Variants in EPSTI1 observed in about 807,000 individuals in gnomAD.
The protein encoded by EPSTI1 is epithelial-stromal interaction protein 1.
Under a neutral mutation model 49.9 loss-of-function variants are expected in EPSTI1, and 66 were observed. The observed-to-expected ratio is 1.32, with a 90% CI of 1.08 to 1.62. EPSTI1 has a LOEUF of 1.62. EPSTI1 is among the 40% of genes most tolerant of loss of function. The pLI, the probability that EPSTI1 is intolerant of heterozygous loss-of-function variation, is 0.00. For missense variants in EPSTI1, 394 were observed against 365.5 expected (o/e 1.08, Z -0.64); for synonymous variants, 137 against 130.7 (o/e 1.05, Z -0.33).
At chr13:42,986,147 T>G (rs2040074000) in intron 1 of EPSTI1, among the ~76,000 whole-genome samples, 2 of 152,190 alleles carry the variant, frequency 1.3e-5, no homozygotes, top group African/African-American at 4.8e-5. Flanking sequence ...CAAGGTGTAA[T>G]GGATCCAAAA....
intron 5 of EPSTI1, among the ~76,000 whole-genome samples, chr13:42,958,739 T>C (rs2039350469): frequency 6.6e-6 from 1 of 151,826 alleles, no homozygotes; most frequent in South Asian, 2.1e-4. Context: ...CATAAGAACA[T>C]AAAGCCAGCA....
At chr13:42,893,865 C>T (rs2037111519) in intron 10 of EPSTI1, among the ~76,000 whole-genome samples, 2 of 152,206 alleles carry the variant, frequency 1.3e-5, no homozygotes, top group Admixed American at 1.3e-4. Context: ...GGCCCATTTT[C>T]CACATGACTC....
At chr13:42,926,487 A>G in intron 6 of EPSTI1, 58 bp from the exon 7 acceptor site, 1 of 981,048 alleles carries the variant, frequency 1.0e-6, no homozygotes, top group East Asian at 2.4e-5. Context: ...ATAATTCTTT[A>G]TTTTTCCTTT....
chr13:42,888,726 G>GT (rs1163224479), intron 10 of EPSTI1, among the ~76,000 whole-genome samples: 2 of 152,192 alleles, frequency 1.3e-5, no homozygotes, highest in Non-Finnish European at 2.9e-5. Flanking sequence ...GGCTTGTCAA[G>GT]TGATGTCTTA....
At chr13:42,894,758 A>G (rs1468645842) in intron 10 of EPSTI1, among the ~76,000 whole-genome samples, 3 of 151,654 alleles carry the variant, frequency 2.0e-5, no homozygotes, top group African/African-American at 7.3e-5. Flanking sequence ...CCAGGCAATC[A>G]TGCTGAGAAC....
intron 10 of EPSTI1, among the ~76,000 whole-genome samples, chr13:42,893,346 A>C (rs1009624419): frequency 6.6e-6 from 1 of 152,198 alleles, no homozygotes; most frequent in Non-Finnish European, 1.5e-5. Context: ...GAAGAAGATA[A>C]ATCATAAAGC....
At position 42,922,035 on chromosome 13, in the gene EPSTI1, A is replaced by G. The variant is rs2038015820; in HGVS notation, c.657+4301T>C. Among the ~76,000 whole-genome samples the G allele has an allele frequency of 6.6e-6, 1 of 152,224 alleles. No homozygotes were observed. Among genetic ancestry groups the G allele is most frequent in the South Asian group, 2.1e-4 (1 of 4,822 alleles). The stretch of plus-strand genomic sequence containing the variant: ...TAAAATGTTTAAAGAGTTGTACAGA[A>G]GATATAACCAGAGTATACCGACTGG... On this transcript the variant is annotated intron_variant, in intron 7 of 10. Transcript: ENST00000313624. This position sits in a 1 kb window ranked among gnomAD's most constrained non-coding sequence, Gnocchi z 4.8.
chr13:42,968,628 T>C (rs1019688282), intron 3 of EPSTI1, among the ~76,000 whole-genome samples: 5 of 152,104 alleles, frequency 3.3e-5, no homozygotes, highest in Non-Finnish European at 7.4e-5. Context: ...GTGATGTTTC[T>C]CTTATACCCA....
intron 1 of EPSTI1, among the ~76,000 whole-genome samples, chr13:42,988,305 GC>G (rs2040120607): frequency 6.6e-6 from 1 of 152,200 alleles, no homozygotes; most frequent in South Asian, 2.1e-4. Context: ...GTTTGTGTAA[GC>G]TTTTTTCTCT....
intron 8 of EPSTI1, among the ~76,000 whole-genome samples, chr13:42,917,247 T>C (rs2037856013): frequency 6.6e-6 from 1 of 152,186 alleles, no homozygotes; most frequent in Admixed American, 6.5e-5. Flanking sequence ...GGTGGTGTTT[T>C]GTTTTGCAGA....
intron 6 of EPSTI1, among the ~76,000 whole-genome samples, chr13:42,947,584 T>C (rs530377053): frequency 4.9e-4 from 75 of 152,258 alleles, no homozygotes; most frequent in Non-Finnish European, 8.8e-4. Flanking sequence ...GAGGTGAGCA[T>C]TTGCAAGATG....
chr13:42,935,631 G>A (rs903373097), intron 6 of EPSTI1, among the ~76,000 whole-genome samples: 13 of 151,924 alleles, frequency 8.6e-5, no homozygotes, highest in Non-Finnish European at 8.8e-5. Flanking sequence ...TGCTCTTGTT[G>A]CCCAGGCTGG....
intron 1 of EPSTI1, among the ~76,000 whole-genome samples, chr13:42,979,510 AGGC>A (rs2039945410): frequency 6.7e-6 from 1 of 150,354 alleles, no homozygotes; most frequent in Non-Finnish European, 1.5e-5. Flanking sequence ...TGAACCCGGA[AGGC>A]GGCGGAGCTT....
intron 1 of EPSTI1, among the ~76,000 whole-genome samples, chr13:42,981,599 T>G (rs530054967): frequency 1.1e-4 from 16 of 152,250 alleles, no homozygotes; most frequent in Non-Finnish European, 5.9e-5. Flanking sequence ...AAATTCCTTC[T>G]AAACAGGACC....
At chr13:42,964,330 G>A (rs1266187959) in intron 3 of EPSTI1, among the ~76,000 whole-genome samples, 191 bp from the exon 4 acceptor site, 1 of 148,492 alleles carries the variant, frequency 6.7e-6, no homozygotes, top group East Asian at 1.9e-4. Flanking sequence ...GAAAGAGCTG[G>A]ATAGAAAGAG....
intron 6 of EPSTI1, among the ~76,000 whole-genome samples, chr13:42,949,591 CAAAAAAAAAA>C (rs199737689): frequency 1.2e-5 from 1 of 80,208 alleles, no homozygotes; most frequent in African/African-American, 4.0e-5. Context: ...GACTCCATGT[CAAAAAAAAAA>C]AAAAAAAGAA....
intron 1 of EPSTI1, among the ~76,000 whole-genome samples, chr13:42,988,140 C>T (rs2040118358): frequency 6.6e-6 from 1 of 152,118 alleles, no homozygotes; most frequent in Admixed American, 6.5e-5. Flanking sequence ...CCTATATTAC[C>T]AGCACAGGCA....
At chr13:42,965,511 G>T (rs1791151062) in intron 3 of EPSTI1, among the ~76,000 whole-genome samples, 1 of 152,152 alleles carries the variant, frequency 6.6e-6, no homozygotes, top group African/African-American at 2.4e-5. Flanking sequence ...CCTACCTTGG[G>T]GAACCTTAAC....
chr13:42,978,963 C>A (rs1311062905), intron 1 of EPSTI1, among the ~76,000 whole-genome samples: 4 of 152,072 alleles, frequency 2.6e-5, no homozygotes, highest in Non-Finnish European at 5.9e-5. Flanking sequence ...ACAACTGTAT[C>A]CTGGTTCCTG....
Sources: gnomAD v4.1 joint callset for allele counts (sites outside exome capture counted in the v4.1 genomes callset) on GRCh38, gnomAD v4.1.1 for gene constraint, Gnocchi (gnomAD v3.1) non-coding constraint, MANE v1.5 for transcripts, NCBI Gene and HGNC (gene_info 2026-07-23, HGNC 2026-07-21) for gene names.